Variants in IGSF21 observed in about 807,000 individuals in gnomAD.
IGSF21 encodes immunoglobin superfamily member 21, also known as immunoglobulin superfamily member 21.
Under a neutral mutation model 46.8 loss-of-function variants are expected in IGSF21, and 28 were observed. That is an observed-to-expected ratio of 0.60 (90% CI 0.44 to 0.82). The LOEUF (loss-of-function observed/expected upper bound fraction) is 0.82, where lower values mean the gene tolerates loss of function less well. Among genes scored for constraint, IGSF21 ranks in the 40% least tolerant of loss-of-function variants. The pLI is 0.00. For synonymous variants in IGSF21, 284 were observed against 273.6 expected, an observed-to-expected ratio of 1.04 and a Z score of -0.38; for missense variants, 624 against 665.5, an observed-to-expected ratio of 0.94 and a Z score of 0.69.
chr1:18,216,496 G>A (rs1318876354), intron 1 of IGSF21, among the ~76,000 whole-genome samples: 2 of 152,120 alleles, frequency 1.3e-5, no homozygotes, highest in African/African-American at 4.8e-5. Context: ...TACCTTAGAG[G>A]GACAAGTTTG....
intron 1 of IGSF21, among the ~76,000 whole-genome samples, chr1:18,191,771 C>T (rs2086958921): frequency 6.6e-6 from 1 of 152,154 alleles, no homozygotes; most frequent in African/African-American, 2.4e-5. Flanking sequence ...GGGGCTTCAT[C>T]CGGTCCCTGC....
chr1:18,252,974 C>A (rs965726953), intron 2 of IGSF21, among the ~76,000 whole-genome samples: 1 of 152,116 alleles, frequency 6.6e-6, no homozygotes, highest in African/African-American at 2.4e-5. Context: ...AGATCCTCAA[C>A]CCTGGAAGTA....
chr1:18,111,660 A>G (rs140743724), intron 1 of IGSF21: 5 of 152,342 alleles, frequency 3.3e-5, no homozygotes, highest in Non-Finnish European at 7.3e-5. Flanking sequence ...TATATGGATC[A>G]GCTGCGATGT....
intron 4 of IGSF21, among the ~76,000 whole-genome samples, chr1:18,338,485 A>G (rs1402503836): frequency 6.6e-6 from 1 of 152,086 alleles, no homozygotes; most frequent in Non-Finnish European, 1.5e-5. Flanking sequence ...GGTCAATGGG[A>G]AGCTCCCAGG....
At chr1:18,287,385 A>G (rs963436665) in intron 2 of IGSF21, among the ~76,000 whole-genome samples, 7 of 151,746 alleles carry the variant, frequency 4.6e-5, no homozygotes, top group African/African-American at 1.5e-4. Context: ...ACAGAGCGAG[A>G]CTCTGTCTCA....
At chr1:18,258,810 C>T (rs932127229) in intron 2 of IGSF21, among the ~76,000 whole-genome samples, 4 of 152,168 alleles carry the variant, frequency 2.6e-5, no homozygotes, top group African/African-American at 9.7e-5. Flanking sequence ...GTTTCTGATA[C>T]AAGGCTTAGC....
chr1:18,200,960 G>C (rs2087067505), intron 1 of IGSF21, among the ~76,000 whole-genome samples: 1 of 152,220 alleles, frequency 6.6e-6, no homozygotes, highest in Non-Finnish European at 1.5e-5. Flanking sequence ...AGGGATGGAT[G>C]TAAACAGATA....
chr1:18,138,043 C>G (rs1413566703), intron 1 of IGSF21, among the ~76,000 whole-genome samples: 1 of 152,026 alleles, frequency 6.6e-6, no homozygotes, highest in Non-Finnish European at 1.5e-5. Context: ...CTGTCTTTGG[C>G]CCACCGTGTC....
intron 1 of IGSF21, among the ~76,000 whole-genome samples, chr1:18,156,785 G>T (rs933507250): frequency 6.6e-6 from 1 of 152,186 alleles, no homozygotes; most frequent in Non-Finnish European, 1.5e-5. Context: ...GACCGGGCAG[G>T]GTGCAGGTGT....
chr1:18,278,091 G>C (rs891884572), intron 2 of IGSF21, among the ~76,000 whole-genome samples: 1 of 152,124 alleles, frequency 6.6e-6, no homozygotes, highest in Non-Finnish European at 1.5e-5. Flanking sequence ...GGAGTAAACT[G>C]TACAGGTGTC....
At chr1:18,360,973 C>T (rs2086094167) in intron 4 of IGSF21, among the ~76,000 whole-genome samples, 1 of 152,042 alleles carries the variant, frequency 6.6e-6, no homozygotes, top group African/African-American at 2.4e-5. Flanking sequence ...TGCGATGCCC[C>T]ACGGTGTCTG....
At position 18,228,008 on chromosome 1, in the gene IGSF21, C is replaced by T. The variant is rs764056437; in HGVS notation, c.181C>T (p.Arg61Trp). ...GCGCATGCGGGAGATCGTGTGGTACCGGGTAAGTCACTACTACTGCCCCCT... is the reference window on the plus strand; with the variant it reads ...GCGCATGCGGGAGATCGTGTGGTACTGGGTAAGTCACTACTACTGCCCCCT... ...DGRMREIVWYRVTDGGTIKQK... is the reference protein window; with the variant it reads ...DGRMREIVWYWVTDGGTIKQK... Residue 61 changes from arginine to tryptophan, a missense_variant and splice_region_variant, in exon 2 of 10, where the codon CGG becomes TGG. Transcript: ENST00000251296. The T allele has an allele frequency of 5.0e-6, 8 of 1,611,780 alleles. No homozygotes were observed. The highest frequency in any genetic ancestry group is 2.2e-5 in the East Asian group (1 of 44,846).
chr1:18,354,969 A>G (rs1245670969), intron 4 of IGSF21, among the ~76,000 whole-genome samples: 1 of 152,044 alleles, frequency 6.6e-6, no homozygotes, highest in Non-Finnish European at 1.5e-5. Context: ...CATCTCAAAA[A>G]CCCTGGAAGC....
intron 1 of IGSF21, among the ~76,000 whole-genome samples, chr1:18,121,585 G>C (rs1309083941): frequency 2.0e-5 from 3 of 152,160 alleles, no homozygotes; most frequent in Non-Finnish European, 2.9e-5. Context: ...ATTCTCTAAA[G>C]TACTCTGGGC....
intron 1 of IGSF21, among the ~76,000 whole-genome samples, chr1:18,147,511 C>A (rs1022208424): frequency 6.6e-6 from 1 of 151,994 alleles, no homozygotes; most frequent in Admixed American, 6.6e-5. Context: ...TCCCTGACAC[C>A]ACCCCATTGA....
chr1:18,120,887 C>T (rs191822306), intron 1 of IGSF21, among the ~76,000 whole-genome samples: 9 of 152,270 alleles, frequency 5.9e-5, no homozygotes, highest in South Asian at 4.1e-4. Flanking sequence ...CTGGTCTCTT[C>T]GACATCTCCA....
intron 3 of IGSF21, among the ~76,000 whole-genome samples, chr1:18,324,979 C>T (rs775486916): frequency 6.6e-6 from 1 of 152,240 alleles, no homozygotes; most frequent in Non-Finnish European, 1.5e-5. Context: ...AAGTTCACAG[C>T]AGGGAGGATG....
chr1:18,236,851 T>A (rs773516475), intron 2 of IGSF21, among the ~76,000 whole-genome samples: 9 of 152,108 alleles, frequency 5.9e-5, no homozygotes, highest in Non-Finnish European at 1.2e-4. Flanking sequence ...GACCATGAAC[T>A]TGGTAACATA....
intron 6 of IGSF21, among the ~76,000 whole-genome samples, chr1:18,367,602 TC>T (rs1282834424): frequency 5.0e-5 from 4 of 79,460 alleles, no homozygotes; most frequent in Non-Finnish European, 7.3e-5. Context: ...TCTCTCTCTC[TC>T]TTTTTTTTTT....
Sources: gnomAD v4.1 joint callset for allele counts (sites outside exome capture counted in the v4.1 genomes callset) on GRCh38, gnomAD v4.1.1 for gene constraint, MANE v1.5 for transcripts, NCBI Gene and HGNC (gene_info 2026-07-23, HGNC 2026-07-21) for gene names.